The following MEGF10 variants were observed in gnomAD, a reference collection of about 807,000 sequenced individuals.
MEGF10 encodes the protein multiple epidermal growth factor-like domains protein 10.
Under a neutral mutation model 147.5 loss-of-function variants are expected in MEGF10, and 86 were observed. The observed-to-expected ratio is 0.58, with a 90% confidence interval of 0.49 to 0.70. The LOEUF is 0.70. Among genes scored for constraint, MEGF10 ranks in the 30% least tolerant of loss-of-function variants. The pLI, the probability that MEGF10 is intolerant of heterozygous loss-of-function variation, is 0.00. For missense variants in MEGF10, 1,329 were observed against 1,487.3 expected (o/e 0.89, Z 1.75); for synonymous variants, 478 against 525.5 (o/e 0.91, Z 1.24).
intron 1 of MEGF10, among the ~76,000 whole-genome samples, chr5:127,320,479 G>A (rs1227049619): frequency 6.6e-6 from 1 of 152,022 alleles, no homozygotes; most frequent in Non-Finnish European, 1.5e-5. Flanking sequence ...ACCACAGGAA[G>A]TGGTGTTGCT....
At chr5:127,410,625 G>A in intron 9 of MEGF10, 24 bp downstream of exon 9, 3 of 1,565,046 alleles carry the variant, frequency 1.9e-6, no homozygotes, top group Non-Finnish European at 2.6e-6. Context: ...TCCCCTGGAA[G>A]GACGTGTCCT....
At chr5:127,423,542 A>G (rs1306348631) in intron 13 of MEGF10, among the ~76,000 whole-genome samples, 5 of 152,090 alleles carry the variant, frequency 3.3e-5, no homozygotes, top group Non-Finnish European at 7.3e-5. Context: ...CCTCACCAAC[A>G]CTAGTTATTA....
At chr5:127,444,308 A>G (rs1054420866) in intron 19 of MEGF10, 4 of 152,246 alleles carry the variant, frequency 2.6e-5, no homozygotes, top group Non-Finnish European at 5.9e-5. Context: ...TGGTAAAATG[A>G]CTTTTACATG....
the MEGF10 span, among the ~76,000 whole-genome samples, chr5:127,262,213 A>G: frequency 6.6e-6 from 1 of 152,238 alleles, no homozygotes; most frequent in East Asian, 1.9e-4. Context: ...TTTACTCTCT[A>G]TGTTATCTTC....
intron 9 of MEGF10, among the ~76,000 whole-genome samples, chr5:127,411,992 A>T (rs1045961719): frequency 6.6e-6 from 1 of 152,254 alleles, no homozygotes; most frequent in Admixed American, 6.5e-5. Flanking sequence ...GAATTGGAGA[A>T]GCAGAGAGCA....
At chr5:127,398,356 C>A (rs192431796) in intron 6 of MEGF10, among the ~76,000 whole-genome samples, 1 of 152,066 alleles carries the variant, frequency 6.6e-6, no homozygotes, top group Non-Finnish European at 1.5e-5. Context: ...GGAGCACAAG[C>A]GCTTTATAAG....
In MEGF10 at chr5:127,381,152, G is replaced by A. The variant is rs551434595; in HGVS notation, c.412+11150G>A. 2.0e-5 allele frequency among the ~76,000 whole-genome samples: 3 copies of A among 152,294 alleles called. No individual in the cohort carries two copies. The South Asian group carries it at 6.2e-4, about 32-fold the overall frequency. On this transcript the variant is annotated intron_variant, in intron 5 of 24. Coordinates refer to ENST00000503335, the MANE Select transcript of MEGF10 (RefSeq NM_001256545.2). ...CAAGGTGGAAATTCTATGTGAGGAT[G>A]TAGAACTTAGTTGTTAAATTTGTAC...
At chr5:127,376,761 T>C (rs1254588748) in intron 5 of MEGF10, among the ~76,000 whole-genome samples, 1 of 152,208 alleles carries the variant, frequency 6.6e-6, no homozygotes, top group Non-Finnish European at 1.5e-5. Context: ...TATAAGATGG[T>C]TGCAGTTATT....
chr5:127,243,286 T>C, the MEGF10 span, among the ~76,000 whole-genome samples: 21 of 152,160 alleles, frequency 1.4e-4, no homozygotes, highest in Non-Finnish European at 2.5e-4. Context: ...CCTGTCCTTG[T>C]TTGGGCAGTT....
chr5:127,357,895 C>A (rs964071515), intron 4 of MEGF10, among the ~76,000 whole-genome samples: 4 of 152,186 alleles, frequency 2.6e-5, no homozygotes, highest in Non-Finnish European at 5.9e-5. Context: ...TGAAGGAAAG[C>A]ATCCCACTTT....
At chr5:127,402,999 G>A (rs946240299) in intron 8 of MEGF10, among the ~76,000 whole-genome samples, 6 of 152,320 alleles carry the variant, frequency 3.9e-5, no homozygotes, top group Admixed American at 1.3e-4. Flanking sequence ...TACATTGTAA[G>A]TACTTGGTGA....
chr5:127,303,445 G>C (rs1483732637), intron 1 of MEGF10, among the ~76,000 whole-genome samples: 2 of 151,724 alleles, frequency 1.3e-5, no homozygotes. Context: ...CCAGGCAGTA[G>C]ATAGCAAAGG....
the MEGF10 span, among the ~76,000 whole-genome samples, chr5:127,251,746 G>A: frequency 4.6e-5 from 7 of 151,820 alleles, no homozygotes; most frequent in Admixed American, 1.3e-4. Flanking sequence ...AAAGCCTATC[G>A]AAGTAAGATA....
At chr5:127,411,053 G>A (rs1764539324) in intron 9 of MEGF10, among the ~76,000 whole-genome samples, 1 of 152,172 alleles carries the variant, frequency 6.6e-6, no homozygotes, top group African/African-American at 2.4e-5. Flanking sequence ...CTAGAGAGAG[G>A]AAGTGAACTG....
In MEGF10 at chr5:127,396,608, C is replaced by T. The variant is rs34649270; in HGVS notation, c.489C>T (p.Ile163=). Residue 163 remains isoleucine, a synonymous_variant, in exon 6 of 25, where the codon ATC becomes ATT. Transcript: ENST00000503335. The part of the protein sequence containing the change: ...QCKNGALCNP[I]TGACHCAAGF... ...AAAATGGGGCTCTGTGCAACCCCATCACCGGGGCTTGCCACTGTGCTGCGG... is the reference window on the plus strand; with the variant it reads ...AAAATGGGGCTCTGTGCAACCCCATTACCGGGGCTTGCCACTGTGCTGCGG... The T allele has an allele frequency of 1.0e-3, 1,640 of 1,612,942 alleles. 11 individuals carry two copies. In the African/African-American group the frequency reaches 0.019, roughly 19 times the overall value.
chr5:127,267,136 T>A, the MEGF10 span, among the ~76,000 whole-genome samples: 1 of 152,208 alleles, frequency 6.6e-6, no homozygotes, highest in Non-Finnish European at 1.5e-5. Context: ...CATGAAGGGA[T>A]GTTGAATTTT....
At chr5:127,289,771 T>G (rs1432619141), upstream of MEGF10, among the ~76,000 whole-genome samples, 1 of 152,172 alleles carries the variant, frequency 6.6e-6, no homozygotes, top group African/African-American at 2.4e-5. Flanking sequence ...GCTCTTGAAG[T>G]CTCTCTAAAA....
At chr5:127,378,572 C>A (rs111294852) in intron 5 of MEGF10, among the ~76,000 whole-genome samples, 5,852 of 152,246 alleles carry the variant, frequency 0.038, 377 homozygotes, top group African/African-American at 0.13. Context: ...CCCACCTCAG[C>A]CTCCCGAGTA....
At chr5:127,272,227 A>T in the MEGF10 span, among the ~76,000 whole-genome samples, 328 of 152,270 alleles carry the variant, frequency 2.2e-3, 1 homozygote, top group Middle Eastern at 6.8e-3. Flanking sequence ...TTAGTTGAAG[A>T]TCAGATGGTT....
Sources: allele counts gnomAD v4.1 joint callset (sites outside exome capture counted in the v4.1 genomes callset), GRCh38; gene constraint gnomAD v4.1.1; transcripts MANE v1.5; gene names NCBI Gene and HGNC (gene_info 2026-07-23, HGNC 2026-07-21).